The following PTPN2 variants were observed in gnomAD, a reference collection of about 807,000 sequenced individuals.
The protein encoded by PTPN2 is tyrosine-protein phosphatase non-receptor type 2.
Under a neutral mutation model 57.3 loss-of-function variants are expected in PTPN2, and 19 were observed. That is an observed-to-expected ratio of 0.33 (90% CI 0.23 to 0.49). PTPN2 has a LOEUF of 0.49. Among genes scored for constraint, PTPN2 ranks in the 20% least tolerant of loss-of-function variants. The probability of loss-of-function intolerance (pLI) is 0.99; values close to 1 mark genes in which losing one functional copy is unlikely to be tolerated. For missense variants in PTPN2, 358 were observed against 501.1 expected, an observed-to-expected ratio of 0.71 and a Z score of 2.73; for synonymous variants, 153 against 164.9, an observed-to-expected ratio of 0.93 and a Z score of 0.55.
At chr18:12,844,036 T>C (rs545925652) in intron 2 of PTPN2, 2 of 152,360 alleles carry the variant, frequency 1.3e-5, no homozygotes, top group South Asian at 2.1e-4. Flanking sequence ...AATGGAATCA[T>C]GTACTATGTC....
intron 1 of PTPN2, among the ~76,000 whole-genome samples, chr18:12,875,920 C>T (rs1432137516): frequency 6.6e-6 from 1 of 152,152 alleles, no homozygotes; most frequent in Non-Finnish European, 1.5e-5. Context: ...GTAAAAAGGG[C>T]TTTTAAGATT....
At chr18:12,866,121 T>C (rs1019575975) in intron 1 of PTPN2, among the ~76,000 whole-genome samples, 6 of 152,152 alleles carry the variant, frequency 3.9e-5, no homozygotes, top group African/African-American at 9.7e-5. Context: ...ACAACACAGA[T>C]GAAACTTTAA....
At chr18:12,847,565 T>C (rs2043253575) in intron 2 of PTPN2, among the ~76,000 whole-genome samples, 1 of 152,038 alleles carries the variant, frequency 6.6e-6, no homozygotes, top group South Asian at 2.1e-4. Context: ...CCCGCAGGAA[T>C]AAATTATTAA....
At chr18:12,859,130 A>C (rs1440318758) in intron 2 of PTPN2, 34 bp downstream of exon 2, 36 of 1,564,306 alleles carry the variant, frequency 2.3e-5, no homozygotes, top group Non-Finnish European at 3.1e-5. Flanking sequence ...ACAAACCAAA[A>C]AATACACATG....
At chr18:12,797,955 G>A (rs1156829344) in intron 8 of PTPN2, among the ~76,000 whole-genome samples, 2 of 152,126 alleles carry the variant, frequency 1.3e-5, no homozygotes, top group Admixed American at 6.5e-5. Flanking sequence ...TGAACTGCTA[G>A]GCTCAAGTGA....
rs2042443166 is a variant in PTPN2, at chr18:12,826,031, TATAC to T, written c.361-91_361-88del. Reference sequence around the variant, plus strand: ...TTAAAAAATGAAAACAAACCAGATATATACATGCTATATTTTTTCAAGTACCCAA... The same window carrying T: ...TTAAAAAATGAAAACAAACCAGATATATGCTATATTTTTTCAAGTACCCAA... On this transcript the variant is annotated intron_variant, in intron 4 of 8. Coordinates refer to ENST00000309660, the MANE Select transcript of PTPN2 (RefSeq NM_002828.4). 3 of 1,054,154 alleles carry T rather than the reference TATAC, an allele frequency of 2.8e-6. No homozygotes were observed. The Admixed American group carries it at 8.3e-5, about 29-fold the overall frequency. The allele number at this position is 1,054,154 out of a possible 1,614,324, so 65.3% of individuals were successfully genotyped here. A position where few individuals can be genotyped will look rare whatever the true frequency, so the allele number is the denominator to read the frequency against.
chr18:12,831,151 C>T (rs938897040), intron 3 of PTPN2, 110 bp from the exon 4 acceptor site: 5 of 646,384 alleles, frequency 7.7e-6, no homozygotes, highest in East Asian at 2.8e-5. Context: ...AGACAGCGGA[C>T]GGGCTTATAA....
chr18:12,794,337 C>T lies in PTPN2; in HGVS notation c.1189G>A (p.Val397Ile), dbSNP rs767583744. 2 of 1,614,228 alleles carry T rather than the reference C, an allele frequency of 1.2e-6. No homozygotes were observed. Among genetic ancestry groups the T allele is most frequent in the Non-Finnish European group, 1.7e-6 (2 of 1,180,034 alleles). ...PILTKMGFMSVILVGAFVGWT... is the reference protein window; with the variant it reads ...PILTKMGFMSIILVGAFVGWT... ...CCAACAAAAGCGCCAACCAAAATGA[C>T]TGACATAAACCCCATCTTAGTGAGA... Residue 397 changes from valine (V) to isoleucine (I), a missense_variant, in exon 9 of 9, where the codon GTC (valine) becomes ATC (isoleucine). This residue lies in a region of PTPN2 where 96 missense variants were observed against 110.8 expected (regional missense o/e 0.87). Coordinates refer to ENST00000309660, the MANE Select transcript of PTPN2 (RefSeq NM_002828.4).
chr18:12,870,435 ATAT>A (rs1568169545), intron 1 of PTPN2, among the ~76,000 whole-genome samples: 51 of 35,946 alleles, frequency 1.4e-3, no homozygotes, highest in Non-Finnish European at 2.0e-3. Context: ...ACGTATATAT[ATAT>A]GTGTATATAT....
At position 12,863,504 on chromosome 18, in the gene PTPN2, T is replaced by G. The variant is rs953282853; in HGVS notation, c.70-4250A>C. The G allele has an allele frequency of 3.6e-5, 5 of 138,386 alleles. No individual in the cohort carries two copies. The Admixed American group carries it at 3.8e-4, about 11-fold the overall frequency. The allele number at this position is 138,386 out of a possible 1,614,324, so 8.6% of individuals were successfully genotyped here. ...AGCAGTGAAACCTGTTAATCCAAGG[T>G]TTCTCAGCCTCAGCACTACTGACAT... On this transcript the variant is annotated intron_variant, in intron 1 of 8. Transcript: ENST00000309660.
At chr18:12,845,723 AT>A (rs1218575243) in intron 2 of PTPN2, among the ~76,000 whole-genome samples, 2 of 152,144 alleles carry the variant, frequency 1.3e-5, no homozygotes, top group Non-Finnish European at 2.9e-5. Flanking sequence ...GTTTATATGT[AT>A]TTTTAATTTG....
chr18:12,873,835 G>A (rs938623187), intron 1 of PTPN2, among the ~76,000 whole-genome samples: 12 of 152,062 alleles, frequency 7.9e-5, no homozygotes, highest in Non-Finnish European at 1.6e-4. Flanking sequence ...TCCCATCTAG[G>A]AAGTGAGGAG....
chr18:12,860,895 C>G (rs1398120237), intron 1 of PTPN2, among the ~76,000 whole-genome samples: 2 of 151,896 alleles, frequency 1.3e-5, no homozygotes, highest in Admixed American at 1.3e-4. Context: ...CAAGTAAATA[C>G]AGAAATGTAA....
chr18:12,818,129 T>A (rs894761634), intron 5 of PTPN2, among the ~76,000 whole-genome samples: 1 of 152,006 alleles, frequency 6.6e-6, no homozygotes, highest in Non-Finnish European at 1.5e-5. Context: ...GCAACAAGAG[T>A]GAAACTCCAT....
downstream of PTPN2, among the ~76,000 whole-genome samples, chr18:12,790,744 T>TACC (rs1277913491): frequency 1.1e-4 from 16 of 152,258 alleles, 1 homozygote; most frequent in African/African-American, 3.6e-4. Flanking sequence ...TTTCGATTCA[T>TACC]ACCACCAACT....
chr18:12,854,767 T>C (rs926290084), intron 2 of PTPN2, among the ~76,000 whole-genome samples: 1 of 152,084 alleles, frequency 6.6e-6, no homozygotes, highest in Non-Finnish European at 1.5e-5. Context: ...AACAGACTCC[T>C]GAAGAAATAA....
intron 7 of PTPN2, among the ~76,000 whole-genome samples, chr18:12,806,956 C>A (rs1438146200): frequency 1.3e-5 from 2 of 152,086 alleles, no homozygotes; most frequent in Non-Finnish European, 2.9e-5. Flanking sequence ...AACTAAAAAG[C>A]TTCTGTATAG....
intron 1 of PTPN2, among the ~76,000 whole-genome samples, chr18:12,876,966 T>C (rs957766585): frequency 1.3e-5 from 2 of 152,166 alleles, no homozygotes; most frequent in African/African-American, 4.8e-5. Context: ...GCACTACAGG[T>C]AGTCACATGG....
At chr18:12,878,572 A>C (rs1019052081) in intron 1 of PTPN2, among the ~76,000 whole-genome samples, 5 of 151,812 alleles carry the variant, frequency 3.3e-5, no homozygotes, top group Admixed American at 2.0e-4. Context: ...CGGGAGGCTG[A>C]GGCAGTAGAA....
Sources: allele counts gnomAD v4.1 joint callset (sites outside exome capture counted in the v4.1 genomes callset), GRCh38; gene constraint gnomAD v4.1.1; regional missense constraint gnomAD v4.1.1; transcripts MANE v1.5; gene names NCBI Gene and HGNC (gene_info 2026-07-23, HGNC 2026-07-21).